Variants in ABTB3 observed in about 807,000 individuals in gnomAD.
ABTB3 encodes the protein ankyrin repeat- and BTB/POZ domain-containing protein 3.
At chr12:107,580,928 G>A in the ABTB3 span, 1 of 1,551,560 alleles carries the variant, frequency 6.4e-7, no homozygotes, top group Non-Finnish European at 8.7e-7. Flanking sequence ...GAGGCCCAAG[G>A]ATTCCAGAGA....
chr12:107,621,632 C>A, the ABTB3 span, among the ~76,000 whole-genome samples: 2 of 152,114 alleles, frequency 1.3e-5, no homozygotes, highest in African/African-American at 4.8e-5. Flanking sequence ...AACTACGATG[C>A]CAAATGGATT....
At chr12:107,571,666 C>T in the ABTB3 span, among the ~76,000 whole-genome samples, 3 of 152,372 alleles carry the variant, frequency 2.0e-5, no homozygotes, top group East Asian at 5.8e-4. Flanking sequence ...GTGGCTTCTC[C>T]ACTTCTGAGG....
At chr12:107,389,105 C>T in the ABTB3 span, among the ~76,000 whole-genome samples, 1 of 152,088 alleles carries the variant, frequency 6.6e-6, no homozygotes, top group Non-Finnish European at 1.5e-5. Flanking sequence ...GACTGCACTT[C>T]TGTACTTCAA....
the ABTB3 span, among the ~76,000 whole-genome samples, chr12:107,532,319 A>G: frequency 2.6e-5 from 4 of 152,216 alleles, no homozygotes; most frequent in African/African-American, 4.8e-5. Flanking sequence ...TGCACCATCC[A>G]GGAGCCCAAG....
the ABTB3 span, among the ~76,000 whole-genome samples, chr12:107,507,056 A>C: frequency 2.0e-5 from 3 of 152,238 alleles, no homozygotes; most frequent in African/African-American, 7.2e-5. Flanking sequence ...TGAATGTTCA[A>C]GATGGCAGTG....
chr12:107,332,315 C>T, the ABTB3 span, among the ~76,000 whole-genome samples: 1 of 152,244 alleles, frequency 6.6e-6, no homozygotes, highest in African/African-American at 2.4e-5. Flanking sequence ...GTAAATCTGA[C>T]ACATTCTGAC....
chr12:107,384,285 T>C, the ABTB3 span, among the ~76,000 whole-genome samples: 736 of 152,210 alleles, frequency 4.8e-3, 6 homozygotes, highest in African/African-American at 0.012. Flanking sequence ...AGGGGTGTGG[T>C]TGGGGTTCCA....
the ABTB3 span, among the ~76,000 whole-genome samples, chr12:107,433,335 G>A: frequency 4.0e-5 from 6 of 149,534 alleles, no homozygotes. Flanking sequence ...GACAAGAAGA[G>A]CAGAGGGAGG....
the ABTB3 span, among the ~76,000 whole-genome samples, chr12:107,392,247 C>T: frequency 6.6e-6 from 1 of 152,180 alleles, no homozygotes; most frequent in Non-Finnish European, 1.5e-5. Context: ...CTTTGGGCTT[C>T]CCTGCTCTCC....
At chr12:107,641,825 AG>A in the ABTB3 span, among the ~76,000 whole-genome samples, 1 of 152,256 alleles carries the variant, frequency 6.6e-6, no homozygotes, top group African/African-American at 2.4e-5. Context: ...AGGGTTTAAC[AG>A]GCACTCATTC....
the ABTB3 span, among the ~76,000 whole-genome samples, chr12:107,573,830 T>C: frequency 6.6e-6 from 1 of 152,214 alleles, no homozygotes; most frequent in Admixed American, 6.5e-5. Context: ...GGCCCACCCA[T>C]GTTATGGATG....
At chr12:107,439,363 C>T in the ABTB3 span, among the ~76,000 whole-genome samples, 3 of 152,314 alleles carry the variant, frequency 2.0e-5, no homozygotes, top group Admixed American at 1.3e-4. Context: ...ACTCAGTCCT[C>T]TTGCTCCAGG....
chr12:107,469,362 G>T, the ABTB3 span, among the ~76,000 whole-genome samples: 3 of 152,192 alleles, frequency 2.0e-5, no homozygotes, highest in African/African-American at 7.2e-5. Flanking sequence ...GGTAGCCCAG[G>T]GTTCAAATCC....
chr12:107,584,640 T>C, the ABTB3 span, among the ~76,000 whole-genome samples: 1 of 152,202 alleles, frequency 6.6e-6, no homozygotes, highest in Admixed American at 6.5e-5. Flanking sequence ...TGTCTGTGAC[T>C]ATTAGCACAT....
the ABTB3 span, among the ~76,000 whole-genome samples, chr12:107,387,969 CTTCT>C: frequency 4.7e-4 from 63 of 133,256 alleles, no homozygotes; most frequent in African/African-American, 1.7e-3. Context: ...TCTTCTTCTT[CTTCT>C]TTTTTTTTTT....
At chr12:107,379,483 G>A in the ABTB3 span, among the ~76,000 whole-genome samples, 5 of 152,228 alleles carry the variant, frequency 3.3e-5, no homozygotes, top group Admixed American at 6.5e-5. Flanking sequence ...CGTGTAAGAC[G>A]TGCCTTTGCT....
the ABTB3 span, among the ~76,000 whole-genome samples, chr12:107,503,776 A>C: frequency 7.8e-6 from 1 of 127,978 alleles, no homozygotes; most frequent in Non-Finnish European, 1.7e-5. Flanking sequence ...AAAAAAAAAG[A>C]AGAAGAAGAA....
the ABTB3 span, among the ~76,000 whole-genome samples, chr12:107,536,792 G>A: frequency 6.6e-6 from 1 of 152,202 alleles, no homozygotes; most frequent in Non-Finnish European, 1.5e-5. Context: ...ATGTAAATTA[G>A]TACAGTCATT....
the ABTB3 span, among the ~76,000 whole-genome samples, chr12:107,477,115 T>C: frequency 3.9e-5 from 6 of 152,122 alleles, no homozygotes; most frequent in African/African-American, 1.4e-4. Context: ...ATACTAGGTC[T>C]CTGCACTTAA....
Sources: allele counts gnomAD v4.1 joint callset (sites outside exome capture counted in the v4.1 genomes callset), GRCh38; gene constraint gnomAD v4.1.1; transcripts MANE v1.5; gene names NCBI Gene and HGNC (gene_info 2026-07-23, HGNC 2026-07-21).